The following CADPS variants were observed in gnomAD, a reference collection of about 807,000 sequenced individuals.
CADPS encodes the protein calcium dependent secretion activator.
Under a neutral mutation model 167.3 loss-of-function variants are expected in CADPS, and 57 were observed. That is an observed-to-expected ratio of 0.34 (90% CI 0.28 to 0.42). The LOEUF (loss-of-function observed/expected upper bound fraction) is 0.42, where lower values mean the gene tolerates loss of function less well. Among genes scored for constraint, CADPS ranks in the 20% least tolerant of loss-of-function variants. The pLI is 1.00. For synonymous variants in CADPS, 676 were observed against 635.3 expected (o/e 1.06, Z -0.96); for missense variants, 1,414 against 1,738.1 (o/e 0.81, Z 3.32).
chr3:62,412,303 T>A lies in CADPS; in HGVS notation c.3778-9118A>T, dbSNP rs1351908277. Reference sequence around the variant, plus strand: ...CTGAGGACTCACTGACGGAGGAGTCTGAGACAACGTGCTACAACCAGTTTC... The same window carrying A: ...CTGAGGACTCACTGACGGAGGAGTCAGAGACAACGTGCTACAACCAGTTTC... On this transcript the variant is annotated intron_variant, in intron 28 of 29. Coordinates refer to ENST00000383710, the MANE Select transcript of CADPS (RefSeq NM_003716.4). The surrounding 1 kb of genome is among the most constrained non-coding windows in gnomAD (Gnocchi z 4.1). 9.3e-6 allele frequency among the ~76,000 whole-genome samples: 1 copy of A among 107,252 alleles called. No homozygotes were observed. The highest frequency in any genetic ancestry group is 3.2e-5 in the African/African-American group (1 of 31,448). 70.4% of individuals were successfully genotyped at this position (107,252 alleles called of 152,430 possible).
At chr3:62,581,923 T>C (rs1217345047) in intron 8 of CADPS, among the ~76,000 whole-genome samples, 1 of 152,194 alleles carries the variant, frequency 6.6e-6, no homozygotes. Context: ...TAGGAGTTGC[T>C]GATTCTCAAA....
At position 62,420,913 on chromosome 3, in the gene CADPS, CA is replaced by C. The variant is rs67479632; in HGVS notation, c.3777+17190del. 0.11 allele frequency among the ~76,000 whole-genome samples: 15,054 copies of C among 137,438 alleles called. 832 individuals are homozygous for C. The highest frequency in any genetic ancestry group is 0.13 in the Non-Finnish European group (8,225 of 64,568). 90.2% of individuals were successfully genotyped at this position (137,438 alleles called of 152,430 possible). On this transcript the variant is annotated intron_variant, in intron 28 of 29. Coordinates refer to ENST00000383710, the MANE Select transcript of CADPS (RefSeq NM_003716.4). The surrounding 1 kb of genome is among the most constrained non-coding windows in gnomAD (Gnocchi z 4.1). ...ACACACACACACACAGGCACACACACACACACTTGCCAGATCACTTACCCAA... is the reference window on the plus strand; with the variant it reads ...ACACACACACACACAGGCACACACACCACACTTGCCAGATCACTTACCCAA...
intron 8 of CADPS, among the ~76,000 whole-genome samples, chr3:62,582,712 G>T (rs1281110558): frequency 6.6e-6 from 1 of 152,166 alleles, no homozygotes; most frequent in Non-Finnish European, 1.5e-5. Context: ...AGCTCTCTTG[G>T]TGTATCTCCT....
At chr3:62,518,082 T>G in intron 14 of CADPS, 67 bp downstream of exon 14, 2 of 1,077,368 alleles carry the variant, frequency 1.9e-6, no homozygotes, top group Non-Finnish European at 2.8e-6. Flanking sequence ...TTTGGAAAAT[T>G]AAGTCCTTTA....
rs970793285 is a variant in CADPS at position 62,514,177 on chromosome 3, C to T, written c.2582-1409G>A. Among the ~76,000 whole-genome samples the T allele has an allele frequency of 3.7e-4, 56 of 152,064 alleles. No homozygotes were observed. Among genetic ancestry groups the T allele is most frequent in the Non-Finnish European group, 7.9e-4 (54 of 67,990 alleles). Reference sequence around the variant, plus strand: ...AAATGTAAAAAATGAAAGATTTCTTCTCTGAGGGTAGGATCAGAGCCTTGT... The same window carrying T: ...AAATGTAAAAAATGAAAGATTTCTTTTCTGAGGGTAGGATCAGAGCCTTGT... On this transcript the variant is annotated intron_variant, in intron 16 of 29. Transcript: ENST00000383710. The surrounding 1 kb of genome is among the most constrained non-coding windows in gnomAD (Gnocchi z 4.2).
intron 6 of CADPS, among the ~76,000 whole-genome samples, chr3:62,626,967 G>A (rs1300990107): frequency 6.6e-6 from 1 of 152,072 alleles, no homozygotes; most frequent in Non-Finnish European, 1.5e-5. Flanking sequence ...GAAAAAGGGA[G>A]GGTGTCTTAC....
chr3:62,849,185 A>G (rs1346851441), intron 1 of CADPS, among the ~76,000 whole-genome samples: 1 of 150,406 alleles, frequency 6.6e-6, no homozygotes, highest in Non-Finnish European at 1.5e-5. Flanking sequence ...GGCTGAGACA[A>G]TGGGGTTTTC....
intron 7 of CADPS, among the ~76,000 whole-genome samples, chr3:62,589,396 G>A (rs1318207382): frequency 6.6e-6 from 1 of 152,272 alleles, no homozygotes; most frequent in African/African-American, 2.4e-5. Context: ...GGGAATGTAT[G>A]AGGGGCCTGA....
chr3:62,594,168 TA>T (rs199538464), intron 6 of CADPS, among the ~76,000 whole-genome samples: 12,404 of 107,502 alleles, frequency 0.12, 652 homozygotes, highest in East Asian at 0.39. Context: ...TTTATTTATT[TA>T]TTTATTTTTT....
intron 2 of CADPS, among the ~76,000 whole-genome samples, chr3:62,765,391 G>T (rs1165824390): frequency 6.6e-6 from 1 of 152,006 alleles, no homozygotes; most frequent in African/African-American, 2.4e-5. Context: ...AGAAAAGAAA[G>T]CAGCATTTTT....
rs2084425673 is a variant in CADPS at position 62,585,615 on chromosome 3, A to C, written c.1438-291T>G. Among the ~76,000 whole-genome samples the C allele has an allele frequency of 2.6e-5, 4 of 152,340 alleles. No individual in the cohort carries two copies. The South Asian group carries it at 8.3e-4, about 32-fold the overall frequency. Reference sequence around the variant, plus strand: ...AAACCCAGAATGGAGAATATTGTCCACACATTATTCTCTACATCTTTGTAT... The same window carrying C: ...AAACCCAGAATGGAGAATATTGTCCCCACATTATTCTCTACATCTTTGTAT... On this transcript the variant is annotated intron_variant, in intron 7 of 29. Coordinates refer to ENST00000383710, the MANE Select transcript of CADPS (RefSeq NM_003716.4).
At chr3:62,714,980 T>C (rs1580991342) in intron 3 of CADPS, among the ~76,000 whole-genome samples, 3 of 152,238 alleles carry the variant, frequency 2.0e-5, no homozygotes, top group Admixed American at 6.5e-5. Flanking sequence ...CCATATTTGA[T>C]AGCAGATGAT....
chr3:62,623,938 AT>A lies in CADPS; in HGVS notation c.1325+21783del, dbSNP rs35833859. 2.3e-3 allele frequency among the ~76,000 whole-genome samples: 336 copies of A among 144,310 alleles called. 2 individuals carry two copies. The highest frequency in any genetic ancestry group is 8.1e-3 in the African/African-American group (317 of 39,020). 94.7% of individuals were successfully genotyped at this position (144,310 alleles called of 152,430 possible). A position where few individuals can be genotyped will look rare whatever the true frequency, so the allele number is the denominator to read the frequency against. On this transcript the variant is annotated intron_variant, in intron 6 of 29. Transcript: ENST00000383710. ...GGACATTTGAGAGTATCTGTTGACA[AT>A]TTTTTTTTTCTGGTTGTCACCACGA...
intron 3 of CADPS, among the ~76,000 whole-genome samples, chr3:62,687,732 G>T (rs17290766): frequency 9.9e-6 from 1 of 101,150 alleles, no homozygotes. Context: ...GGTTCCCTTC[G>T]CATTTTTTTT....
At chr3:62,628,751 C>T (rs959525824) in intron 6 of CADPS, among the ~76,000 whole-genome samples, 8 of 151,868 alleles carry the variant, frequency 5.3e-5, no homozygotes, top group Admixed American at 6.6e-5. Context: ...CTCAGCCTCC[C>T]GAATAGCTGG....
At chr3:62,798,543 T>C (rs764720705) in intron 1 of CADPS, among the ~76,000 whole-genome samples, 1 of 152,116 alleles carries the variant, frequency 6.6e-6, no homozygotes, top group Non-Finnish European at 1.5e-5. Flanking sequence ...CACCTTGTGA[T>C]TGTGTGAGTC....
chr3:62,536,672 A>G (rs1156850028), intron 11 of CADPS, 91 bp from the exon 12 acceptor site: 5 of 1,300,614 alleles, frequency 3.8e-6, no homozygotes, highest in Non-Finnish European at 5.5e-6. Flanking sequence ...TTCACTAGAC[A>G]TTATGAACGT....
intron 6 of CADPS, among the ~76,000 whole-genome samples, chr3:62,642,482 A>T (rs1412608405): frequency 6.6e-6 from 1 of 152,178 alleles, no homozygotes; most frequent in Non-Finnish European, 1.5e-5. Context: ...TGTAAGTGGG[A>T]GGGGTGGAGA....
chr3:62,714,416 G>C (rs115440590), intron 3 of CADPS, among the ~76,000 whole-genome samples: 390 of 152,212 alleles, frequency 2.6e-3, no homozygotes, highest in African/African-American at 9.3e-3. Context: ...TTACTGTTTT[G>C]GAACTGCTGT....
Sources: gnomAD v4.1 joint callset for allele counts (sites outside exome capture counted in the v4.1 genomes callset) on GRCh38, gnomAD v4.1.1 for gene constraint, Gnocchi (gnomAD v3.1) non-coding constraint, MANE v1.5 for transcripts, NCBI Gene and HGNC (gene_info 2026-07-23, HGNC 2026-07-21) for gene names.